ADAM23: variants seen among roughly 807,000 people sequenced by gnomAD.
ADAM23 encodes ADAM metallopeptidase domain 23.
A neutral mutation model predicts 120.1 loss-of-function variants in ADAM23; 33 were observed. The observed-to-expected ratio is 0.27, with a 90% CI of 0.21 to 0.37. The LOEUF (loss-of-function observed/expected upper bound fraction) is 0.37, where lower values mean the gene tolerates loss of function less well. Ranked by LOEUF, ADAM23 falls within the 10% of genes least tolerant of loss-of-function variation. The pLI is 1.00. For missense variants in ADAM23, 862 were observed against 1,058.2 expected, an observed-to-expected ratio of 0.81 and a Z score of 2.57; for synonymous variants, 367 against 375.2, an observed-to-expected ratio of 0.98 and a Z score of 0.25.
At chr2:206,577,975 T>A (rs534466949) in intron 18 of ADAM23, among the ~76,000 whole-genome samples, 26 of 152,036 alleles carry the variant, frequency 1.7e-4, no homozygotes, top group Non-Finnish European at 3.2e-4. Flanking sequence ...TGAGATGATA[T>A]CTCATTGTGG....
intron 2 of ADAM23, among the ~76,000 whole-genome samples, chr2:206,461,765 G>T (rs927036226): frequency 6.6e-6 from 1 of 152,234 alleles, no homozygotes; most frequent in South Asian, 2.1e-4. Flanking sequence ...TGAAATGAGG[G>T]TATGGGCCAT....
chr2:206,597,261 C>T (rs988998313), intron 24 of ADAM23, among the ~76,000 whole-genome samples: 3 of 147,476 alleles, frequency 2.0e-5, no homozygotes, highest in African/African-American at 7.6e-5. Flanking sequence ...CTCATCGTAA[C>T]CTCTGCTGCC....
At chr2:206,513,454 A>G (rs1364658264) in intron 3 of ADAM23, among the ~76,000 whole-genome samples, 2 of 152,188 alleles carry the variant, frequency 1.3e-5, no homozygotes, top group Non-Finnish European at 2.9e-5. Flanking sequence ...TCTCCCCTCA[A>G]TTTTATGAAG....
At chr2:206,531,722 A>G (rs978984533) in intron 4 of ADAM23, among the ~76,000 whole-genome samples, 9 of 152,234 alleles carry the variant, frequency 5.9e-5, no homozygotes, top group African/African-American at 1.9e-4. Context: ...GCAGTGTCCC[A>G]GTTACTGGGG....
At position 206,562,244 on chromosome 2, in the gene ADAM23, C is replaced by G; in HGVS notation, c.1296C>G (p.Ser432Arg). The G allele has an allele frequency of 6.2e-7, 1 of 1,614,094 alleles. No individual in the cohort carries two copies. The highest frequency in any genetic ancestry group is 8.5e-7 in the Non-Finnish European group (1 of 1,179,958). ...PMAVAQVLSQ[S>R]LAQNLGIQWE... The stretch of plus-strand genomic sequence containing the variant: ...CAGTGGCACAAGTATTATCGCAGAG[C>G]CTGGCTCAAAACCTTGGAATCCAAT... The change falls in exon 13 of 26, where the codon AGC becomes AGG. Residue 432 changes from serine to arginine, a missense_variant. Around this residue, in one of 4 missense-constraint regions of ADAM23, gnomAD observed 617 missense variants for 813.5 expected, o/e 0.76. Transcript: ENST00000264377.
intron 3 of ADAM23, among the ~76,000 whole-genome samples, chr2:206,512,930 T>G (rs1384474333): frequency 6.6e-6 from 1 of 152,158 alleles, no homozygotes; most frequent in African/African-American, 2.4e-5. Context: ...CTGTGATCAG[T>G]GATGTTTGAT....
chr2:206,567,299 T>G lies in ADAM23; in HGVS notation c.1471T>G (p.Cys491Gly). ...CTTTTTACAGAGAGGAGGTGGAGCCTGCCTTTTCAACAGGCCAACAAAGGT... is the reference window on the plus strand; with the variant it reads ...CTTTTTACAGAGAGGAGGTGGAGCCGGCCTTTTCAACAGGCCAACAAAGGT... ...RDFLQRGGGACLFNRPTKLFE... is the reference protein window; with the variant it reads ...RDFLQRGGGAGLFNRPTKLFE... Residue 491 changes from cysteine (C) to glycine (G), a missense_variant, in exon 15 of 26, where the codon TGC becomes GGC. Physicochemically the swap from Cys to Gly is radical, Grantham distance 159 (BLOSUM62 -3). Transcript: ENST00000264377. 6.2e-7 allele frequency: 1 copy of G among 1,613,794 alleles called. No homozygotes were observed. The highest frequency in any genetic ancestry group is 8.5e-7 in the Non-Finnish European group (1 of 1,179,768).
At chr2:206,523,690 T>A (rs949687111) in intron 3 of ADAM23, among the ~76,000 whole-genome samples, 1 of 152,146 alleles carries the variant, frequency 6.6e-6, no homozygotes, top group African/African-American at 2.4e-5. Flanking sequence ...TAAAGTCTTC[T>A]GTTACAAAAA....
At chr2:206,531,608 T>TA (rs1193889068) in intron 4 of ADAM23, among the ~76,000 whole-genome samples, 2 of 152,124 alleles carry the variant, frequency 1.3e-5, no homozygotes, top group Non-Finnish European at 2.9e-5. Flanking sequence ...AGATGATTTG[T>TA]ATGTAAGAAA....
At chr2:206,613,136 C>T (rs1393453087) in intron 25 of ADAM23, among the ~76,000 whole-genome samples, 9 of 152,040 alleles carry the variant, frequency 5.9e-5, no homozygotes, top group Admixed American at 2.0e-4. Context: ...CTCAGTTCAC[C>T]GCAACCTCCG....
chr2:206,570,867 G>C (rs1453596974), intron 16 of ADAM23, 56 bp downstream of exon 16: 1 of 1,491,258 alleles, frequency 6.7e-7, no homozygotes, highest in Non-Finnish European at 9.3e-7. Flanking sequence ...GTGCAAACAG[G>C]TATAGCATTT....
intron 3 of ADAM23, among the ~76,000 whole-genome samples, chr2:206,509,318 T>G (rs1244392080): frequency 6.6e-6 from 1 of 152,198 alleles, no homozygotes; most frequent in Non-Finnish European, 1.5e-5. Context: ...TGTATACTGA[T>G]AGAAGGCTTG....
At chr2:206,486,920 A>T (rs554396191) in intron 3 of ADAM23, among the ~76,000 whole-genome samples, 2 of 152,318 alleles carry the variant, frequency 1.3e-5, no homozygotes, top group East Asian at 3.9e-4. Flanking sequence ...GGTGACCGCT[A>T]ATCTACATTC....
Position 206,596,121 on chromosome 2 carries a change from C to T in ADAM23, c.2318C>T (p.Pro773Leu). Residue 773 changes from proline (P) to leucine (L), a missense_variant, in exon 24 of 26, where the codon CCA (proline) becomes CTA (leucine). By Grantham distance (98) the Pro-to-Leu change is moderately conservative. Around this residue, in one of 4 missense-constraint regions of ADAM23, gnomAD observed 617 missense variants for 813.5 expected, o/e 0.76. Transcript: ENST00000264377. ...GGGACAGATTGCAGTATCCGGGATC[C>T]AGTTAGGAACCTTCACCCCCCCAAG... ...WAGTDCSIRD[P>L]VRNLHPPKDE... The T allele has an allele frequency of 1.2e-6, 2 of 1,614,054 alleles. No homozygotes were observed. Among genetic ancestry groups the T allele is most frequent in the Non-Finnish European group, 1.7e-6 (2 of 1,179,984 alleles).
intron 15 of ADAM23, among the ~76,000 whole-genome samples, chr2:206,568,436 T>C (rs1697932253): frequency 6.6e-6 from 1 of 152,216 alleles, no homozygotes; most frequent in African/African-American, 2.4e-5. Flanking sequence ...CCTCATAAGG[T>C]AAATATTCAT....
intron 4 of ADAM23, among the ~76,000 whole-genome samples, chr2:206,535,116 A>G (rs1697144439): frequency 6.6e-6 from 1 of 151,484 alleles, no homozygotes; most frequent in African/African-American, 2.4e-5. Context: ...AAGGCTAGCT[A>G]CTCCTGGGTG....
intron 2 of ADAM23, among the ~76,000 whole-genome samples, chr2:206,454,357 G>A (rs1695253203): frequency 6.6e-6 from 1 of 152,136 alleles, no homozygotes; most frequent in African/African-American, 2.4e-5. Flanking sequence ...CATGAGAACA[G>A]CATGGGGCAG....
chr2:206,547,867 T>A (rs1697432082), intron 7 of ADAM23, among the ~76,000 whole-genome samples: 1 of 152,210 alleles, frequency 6.6e-6, no homozygotes, highest in Non-Finnish European at 1.5e-5. Flanking sequence ...AGTGTGCTAA[T>A]GTTGGAAGAA....
At chr2:206,542,242 G>A (rs1697306401) in intron 5 of ADAM23, 108 bp downstream of exon 5, 4 of 1,082,210 alleles carry the variant, frequency 3.7e-6, no homozygotes, top group Middle Eastern at 2.0e-4. Flanking sequence ...GTTAGGGACT[G>A]CATGTGGAGT....
Sources: gnomAD v4.1 joint callset for allele counts (sites outside exome capture counted in the v4.1 genomes callset) on GRCh38, gnomAD v4.1.1 for gene constraint, gnomAD v4.1.1 regional missense constraint, MANE v1.5 for transcripts, NCBI Gene and HGNC (gene_info 2026-07-23, HGNC 2026-07-21) for gene names.